Variants in AFG2A observed in about 807,000 individuals in gnomAD.
AFG2A encodes AAA ATPase AFG2A, also known as ATPase family gene 2 protein homolog A.
At chr4:123,143,100 CA>C in the AFG2A span, among the ~76,000 whole-genome samples, 3 of 148,664 alleles carry the variant, frequency 2.0e-5, no homozygotes, top group African/African-American at 7.4e-5. Flanking sequence ...TTACAAAATC[CA>C]AAAAAAATCT....
At chr4:123,124,235 A>G in the AFG2A span, among the ~76,000 whole-genome samples, 28 of 152,190 alleles carry the variant, frequency 1.8e-4, no homozygotes, top group Non-Finnish European at 3.5e-4. Context: ...CTTGGAACCA[A>G]CCCAAATGTC....
At chr4:123,208,902 T>C in the AFG2A span, among the ~76,000 whole-genome samples, 1 of 152,182 alleles carries the variant, frequency 6.6e-6, no homozygotes, top group Admixed American at 6.5e-5. Context: ...TCTTTTTCTA[T>C]GCTGATGAGT....
the AFG2A span, among the ~76,000 whole-genome samples, chr4:123,003,744 C>A: frequency 2.6e-5 from 4 of 152,018 alleles, no homozygotes; most frequent in East Asian, 5.8e-4. Flanking sequence ...TTGGGGTGCT[C>A]GGTGGTCAGG....
the AFG2A span, among the ~76,000 whole-genome samples, chr4:123,162,025 G>GA: frequency 0.5 from 75,694 of 151,348 alleles, 23,342 homozygotes; most frequent in Non-Finnish European, 0.67. Context: ...ATCAGCTGGG[G>GA]AAAAAAAAGA....
At chr4:122,935,788 G>T in the AFG2A span, 1 of 1,613,212 alleles carries the variant, frequency 6.2e-7, no homozygotes, top group Admixed American at 1.7e-5. Flanking sequence ...CAGGGCTGTT[G>T]CTAATGAAGT....
the AFG2A span, among the ~76,000 whole-genome samples, chr4:123,217,305 G>C: frequency 2.0e-5 from 3 of 152,152 alleles, no homozygotes; most frequent in African/African-American, 4.8e-5. Context: ...AGCAGAAGCA[G>C]TGTTGTTAAA....
At chr4:123,253,504 G>T in the AFG2A span, among the ~76,000 whole-genome samples, 1 of 147,606 alleles carries the variant, frequency 6.8e-6, no homozygotes, top group Middle Eastern at 3.5e-3. Flanking sequence ...AAAAAAAATA[G>T]CTGGGCATGG....
At chr4:123,028,075 A>G in the AFG2A span, 1 of 857,334 alleles carries the variant, frequency 1.2e-6, no homozygotes, top group Non-Finnish European at 1.8e-6. Flanking sequence ...TGATTCTTAA[A>G]TGGTTCTATT....
chr4:122,947,092 G>A, the AFG2A span: 3 of 615,626 alleles, frequency 4.9e-6, no homozygotes, highest in Non-Finnish European at 7.4e-6. Context: ...GTAATTGATA[G>A]GTAATGAAAG....
the AFG2A span, among the ~76,000 whole-genome samples, chr4:123,051,750 G>C: frequency 2.0e-5 from 3 of 146,362 alleles, no homozygotes; most frequent in Middle Eastern, 3.7e-3. Context: ...TTTTCTTTCA[G>C]CATTCTGAAT....
chr4:123,170,004 G>A, the AFG2A span, among the ~76,000 whole-genome samples: 6 of 152,270 alleles, frequency 3.9e-5, no homozygotes, highest in South Asian at 1.0e-3. Context: ...TGTGAACTCT[G>A]GGTAGAAACA....
chr4:122,956,504 CTAAGGAGAGCATCAGTTGATAAAG>C, the AFG2A span, among the ~76,000 whole-genome samples: 132,370 of 151,754 alleles, frequency 0.87, 58,045 homozygotes, highest in East Asian at 0.96. Flanking sequence ...GCGTATGATA[CTAAGGAGAGCATCAGTTGATAAAG>C]TAAGGAGAGC....
chr4:123,194,315 G>A, the AFG2A span, among the ~76,000 whole-genome samples: 2 of 152,162 alleles, frequency 1.3e-5, no homozygotes, highest in Non-Finnish European at 2.9e-5. Flanking sequence ...GATAGCTGAT[G>A]AGCTTTTTAA....
At chr4:123,167,906 CAG>C in the AFG2A span, among the ~76,000 whole-genome samples, 2 of 152,086 alleles carry the variant, frequency 1.3e-5, no homozygotes, top group Non-Finnish European at 2.9e-5. Flanking sequence ...AAAACAAAAA[CAG>C]AAATTTTAAG....
the AFG2A span, among the ~76,000 whole-genome samples, chr4:122,979,952 A>G: frequency 1.3e-5 from 2 of 152,088 alleles, no homozygotes; most frequent in Admixed American, 6.5e-5. Flanking sequence ...AAACCAGGAT[A>G]CCCCTATTGA....
the AFG2A span, among the ~76,000 whole-genome samples, chr4:123,232,061 A>C: frequency 1.3e-5 from 2 of 152,038 alleles, no homozygotes; most frequent in African/African-American, 4.8e-5. Context: ...AAGTGAGCAC[A>C]TGCTGTTGGA....
the AFG2A span, among the ~76,000 whole-genome samples, chr4:123,232,926 C>T: frequency 6.6e-6 from 1 of 152,042 alleles, no homozygotes; most frequent in South Asian, 2.1e-4. Context: ...GCAGGTGCTT[C>T]GCAGTTCCTA....
the AFG2A span, among the ~76,000 whole-genome samples, chr4:123,272,228 A>G: frequency 6.6e-6 from 1 of 152,160 alleles, no homozygotes; most frequent in South Asian, 2.1e-4. Flanking sequence ...TTGACAGATA[A>G]TCCATTCTCT....
chr4:122,985,125 C>CTT, the AFG2A span, among the ~76,000 whole-genome samples: 3 of 138,672 alleles, frequency 2.2e-5, no homozygotes, highest in African/African-American at 2.6e-5. Context: ...TTTTTTTTTT[C>CTT]TTTTTTTTTT....
Sources: allele counts gnomAD v4.1 joint callset (sites outside exome capture counted in the v4.1 genomes callset), GRCh38; gene constraint gnomAD v4.1.1; transcripts MANE v1.5; gene names NCBI Gene and HGNC (gene_info 2026-07-23, HGNC 2026-07-21).